The following CCSER1 variants were observed in gnomAD, a reference collection of about 807,000 sequenced individuals.
CCSER1 encodes the protein coiled-coil serine rich protein 1, also known as serine-rich coiled-coil domain-containing protein 1.
In CCSER1, 41 loss-of-function variants were observed where a neutral mutation model predicts 82.0. The ratio of observed to expected loss-of-function variants is 0.50; its 90% CI spans 0.39 to 0.65. CCSER1 has a LOEUF of 0.65. Among genes scored for constraint, CCSER1 ranks in the 30% least tolerant of loss-of-function variants. The probability of loss-of-function intolerance (pLI) is 0.00; values close to 1 mark genes in which losing one functional copy is unlikely to be tolerated. For missense variants in CCSER1, 1,119 were observed against 1,064.2 expected, an observed-to-expected ratio of 1.05 and a Z score of -0.72; for synonymous variants, 414 against 383.9, an observed-to-expected ratio of 1.08 and a Z score of -0.92.
chr4:90,824,399 G>A (rs1031233099), intron 8 of CCSER1, among the ~76,000 whole-genome samples: 6 of 152,016 alleles, frequency 3.9e-5, no homozygotes, highest in Non-Finnish European at 8.8e-5. Context: ...GAAGGCAGTT[G>A]AAAAACTGAA....
At chr4:90,482,388 C>T (rs1320301852) in intron 5 of CCSER1, among the ~76,000 whole-genome samples, 3 of 152,072 alleles carry the variant, frequency 2.0e-5, no homozygotes, top group African/African-American at 4.8e-5. Context: ...CTGCTCTGAT[C>T]TTAGTTATTT....
chr4:91,442,915 G>T (rs1175796514), intron 10 of CCSER1, among the ~76,000 whole-genome samples: 1 of 152,112 alleles, frequency 6.6e-6, no homozygotes, highest in African/African-American at 2.4e-5. Context: ...AATCAAAACC[G>T]CAGTGAGATA....
intron 1 of CCSER1, among the ~76,000 whole-genome samples, chr4:90,272,139 G>T (rs929023409): frequency 6.6e-6 from 1 of 151,632 alleles, no homozygotes; most frequent in Non-Finnish European, 1.5e-5. Flanking sequence ...GGACACATGA[G>T]GATTACAATT....
At chr4:90,950,505 TACACACACACGTGCACGCGTGCAC>T (rs1732781532) in intron 9 of CCSER1, among the ~76,000 whole-genome samples, 1 of 151,264 alleles carries the variant, frequency 6.6e-6, no homozygotes, top group Non-Finnish European at 1.5e-5. Flanking sequence ...AACATACACA[TACACACACACGTGCACGCGTGCAC>T]ACACACACAT....
chr4:90,159,083 G>T (rs1445255911), intron 1 of CCSER1, among the ~76,000 whole-genome samples: 1 of 152,134 alleles, frequency 6.6e-6, no homozygotes, highest in Non-Finnish European at 1.5e-5. Flanking sequence ...ACTGAGGTTG[G>T]AGTGTAGTGG....
chr4:90,788,263 A>C (rs973561206), intron 7 of CCSER1, among the ~76,000 whole-genome samples: 3 of 152,234 alleles, frequency 2.0e-5, no homozygotes, highest in South Asian at 4.1e-4. Flanking sequence ...TATCAACTCA[A>C]TTACTTATAT....
intron 10 of CCSER1, among the ~76,000 whole-genome samples, chr4:91,133,198 C>A (rs1273305129): frequency 6.6e-6 from 1 of 151,990 alleles, no homozygotes; most frequent in Non-Finnish European, 1.5e-5. Flanking sequence ...CTTTTCTTCC[C>A]TTCCCTTCTC....
intron 7 of CCSER1, among the ~76,000 whole-genome samples, chr4:90,774,441 C>T (rs1371160611): frequency 3.3e-5 from 5 of 152,008 alleles, no homozygotes; most frequent in Non-Finnish European, 7.4e-5. Flanking sequence ...TAGTTACTAA[C>T]ATTTTCATGA....
chr4:90,649,374 A>G (rs1311324342), intron 6 of CCSER1: 4 of 152,200 alleles, frequency 2.6e-5, no homozygotes, highest in African/African-American at 9.7e-5. Context: ...ACATGTTGAA[A>G]GACTAACCTT....
intron 5 of CCSER1, among the ~76,000 whole-genome samples, chr4:90,613,413 C>G (rs943928038): frequency 1.3e-5 from 2 of 152,096 alleles, no homozygotes; most frequent in Non-Finnish European, 2.9e-5. Context: ...ATGTAGTATC[C>G]TTTCAAGAGG....
chr4:90,523,198 A>G (rs992631316), intron 5 of CCSER1, among the ~76,000 whole-genome samples: 1 of 152,166 alleles, frequency 6.6e-6, no homozygotes, highest in Non-Finnish European at 1.5e-5. Flanking sequence ...GAAATAATGA[A>G]TATATTTGTT....
At chr4:90,864,351 A>G (rs953098673) in intron 8 of CCSER1, among the ~76,000 whole-genome samples, 1 of 152,018 alleles carries the variant, frequency 6.6e-6, no homozygotes, top group Admixed American at 6.6e-5. Flanking sequence ...CTCCAATGCA[A>G]CAGTGTTGAC....
chr4:90,980,654 T>C (rs1736029075), intron 9 of CCSER1, among the ~76,000 whole-genome samples: 1 of 151,396 alleles, frequency 6.6e-6, no homozygotes, highest in Non-Finnish European at 1.5e-5. Context: ...TATTTTGTAA[T>C]GGTGAGATGA....
At chr4:91,044,055 A>G (rs1239264850) in intron 9 of CCSER1, among the ~76,000 whole-genome samples, 2 of 152,348 alleles carry the variant, frequency 1.3e-5, no homozygotes, top group Non-Finnish European at 1.5e-5. Context: ...CCTCCAACAC[A>G]TGTTTACTAA....
At chr4:90,913,050 T>C (rs892502347) in intron 8 of CCSER1, among the ~76,000 whole-genome samples, 1 of 152,158 alleles carries the variant, frequency 6.6e-6, no homozygotes, top group African/African-American at 2.4e-5. Context: ...TGGAACCAAG[T>C]TGGAAAACAC....
intron 10 of CCSER1, among the ~76,000 whole-genome samples, chr4:91,429,981 A>G (rs1754199538): frequency 6.6e-6 from 1 of 152,006 alleles, no homozygotes; most frequent in Non-Finnish European, 1.5e-5. Context: ...TTCACTAGCA[A>G]TGTGTTTATA....
intron 10 of CCSER1, among the ~76,000 whole-genome samples, chr4:91,499,807 C>T (rs1017595830): frequency 2.0e-5 from 3 of 151,878 alleles, no homozygotes; most frequent in African/African-American, 7.3e-5. Flanking sequence ...GGCTTGGTGG[C>T]TCATTCATTT....
intron 8 of CCSER1, among the ~76,000 whole-genome samples, chr4:90,825,247 C>T (rs1160996278): frequency 6.6e-6 from 1 of 152,100 alleles, no homozygotes; most frequent in Non-Finnish European, 1.5e-5. Flanking sequence ...AATATTCCAC[C>T]ATATTGTGAT....
intron 8 of CCSER1, among the ~76,000 whole-genome samples, chr4:90,862,905 G>A (rs941985855): frequency 1.2e-5 from 1 of 83,002 alleles, no homozygotes; most frequent in African/African-American, 4.3e-5. Flanking sequence ...ACTATTTTTT[G>A]TCTTTTTTTT....
Sources: allele counts gnomAD v4.1 joint callset (sites outside exome capture counted in the v4.1 genomes callset), GRCh38; gene constraint gnomAD v4.1.1; transcripts MANE v1.5; gene names NCBI Gene and HGNC (gene_info 2026-07-23, HGNC 2026-07-21).